EXOC2: variants seen among roughly 807,000 people sequenced by gnomAD.
The protein encoded by EXOC2 is exocyst complex component 2.
A neutral mutation model predicts 131.8 loss-of-function variants in EXOC2; 70 were observed. The observed-to-expected ratio is 0.53, with a 90% confidence interval of 0.44 to 0.65. EXOC2 has a LOEUF of 0.65. EXOC2 is among the 30% of genes least tolerant of loss of function. EXOC2 has a pLI of 0.00. For missense variants in EXOC2, 923 were observed against 1,108.6 expected (o/e 0.83, Z 2.38); for synonymous variants, 411 against 398.4 (o/e 1.03, Z -0.38).
At chr6:536,532 T>C (rs1766455671) in intron 22 of EXOC2, among the ~76,000 whole-genome samples, 2 of 152,120 alleles carry the variant, frequency 1.3e-5, no homozygotes. Flanking sequence ...AGGCCTTTTC[T>C]TGGTAAAAAT....
intron 11 of EXOC2, among the ~76,000 whole-genome samples, chr6:581,097 C>T (rs568256413): frequency 1.3e-5 from 2 of 151,592 alleles, no homozygotes; most frequent in South Asian, 4.2e-4. Context: ...AGTTCGAGAC[C>T]GGCCTGACCA....
At chr6:545,150 T>A (rs2127559354) in intron 22 of EXOC2, among the ~76,000 whole-genome samples, 1 of 44,796 alleles carries the variant, frequency 2.2e-5, no homozygotes, top group Non-Finnish European at 3.6e-5. Context: ...CGAGACTCCG[T>A]CTCAAAAAAA....
chr6:631,230 CTT>C (rs1328983136), intron 3 of EXOC2, among the ~76,000 whole-genome samples: 1 of 152,194 alleles, frequency 6.6e-6, no homozygotes, highest in East Asian at 1.9e-4. Flanking sequence ...TCCAGGCACT[CTT>C]GAGTTCAGTT....
chr6:553,947 T>C, intron 20 of EXOC2, 27 bp from the exon 21 acceptor site: 1 of 1,590,356 alleles, frequency 6.3e-7, no homozygotes, highest in Non-Finnish European at 8.6e-7. Flanking sequence ...GTAGGAACAG[T>C]TACAAATAAA....
intron 1 of EXOC2, among the ~76,000 whole-genome samples, chr6:661,708 C>T (rs1228101360): frequency 6.6e-6 from 1 of 152,038 alleles, no homozygotes; most frequent in Non-Finnish European, 1.5e-5. Flanking sequence ...TCACACAGGA[C>T]CTATAACAAA....
At chr6:643,010 C>T (rs978640081) in intron 1 of EXOC2, among the ~76,000 whole-genome samples, 2 of 151,260 alleles carry the variant, frequency 1.3e-5, no homozygotes, top group Admixed American at 6.6e-5. Flanking sequence ...GAAGTGATAC[C>T]ACAAAGCAAT....
In EXOC2 at chr6:641,073, C is replaced by T. The variant is rs552511527; in HGVS notation, c.-43-3212G>A. On this transcript the variant is annotated intron_variant, in intron 1 of 27. Coordinates refer to ENST00000230449, the MANE Select transcript of EXOC2 (RefSeq NM_018303.6). ...TCATAATAATGTAGTAACTGACCAC[C>T]GGTTTAAACAAAATTGAAATAAGGC... Among the ~76,000 whole-genome samples the T allele has an allele frequency of 1.6e-4, 24 of 152,088 alleles. No individual in the cohort carries two copies. The East Asian group carries it at 2.5e-3, about 16-fold the overall frequency.
intron 22 of EXOC2, among the ~76,000 whole-genome samples, chr6:540,069 G>A (rs897823694): frequency 2.0e-5 from 3 of 152,202 alleles, no homozygotes; most frequent in African/African-American, 7.2e-5. Context: ...GTGTCTCCAG[G>A]ACTTGTTAGC....
chr6:661,711 A>G (rs1374424286), intron 1 of EXOC2, among the ~76,000 whole-genome samples: 2 of 152,226 alleles, frequency 1.3e-5, no homozygotes, highest in Admixed American at 6.5e-5. Flanking sequence ...CACAGGACCT[A>G]TAACAAAAAT....
At chr6:689,986 A>C (rs1245528912) in intron 1 of EXOC2, among the ~76,000 whole-genome samples, 1 of 152,246 alleles carries the variant, frequency 6.6e-6, no homozygotes, top group African/African-American at 2.4e-5. Context: ...ACTATGAAGC[A>C]GACCAGATTA....
chr6:637,854 G>T lies in EXOC2; in HGVS notation c.-36C>A. 8.9e-6 allele frequency: 14 copies of T among 1,579,328 alleles called. No individual in the cohort carries two copies. The highest frequency in any genetic ancestry group is 1.2e-5 in the Non-Finnish European group (14 of 1,152,070). The stretch of plus-strand genomic sequence containing the variant: ...GGAGCAAACTGGTGATCCTGTTAGA[G>T]AAGTAATCTGTTAAAAGAGAAAGAA... On this transcript the variant is annotated 5_prime_UTR_variant, in exon 2 of 28. Coordinates refer to ENST00000230449, the MANE Select transcript of EXOC2 (RefSeq NM_018303.6).
chr6:593,117 C>T (rs141332438), intron 10 of EXOC2, among the ~76,000 whole-genome samples: 37 of 152,160 alleles, frequency 2.4e-4, no homozygotes, highest in African/African-American at 8.7e-4. Flanking sequence ...CTATTAAAAA[C>T]AGCTCTTTGT....
At chr6:586,288 T>A (rs367953888) in intron 11 of EXOC2, among the ~76,000 whole-genome samples, 2 of 152,246 alleles carry the variant, frequency 1.3e-5, no homozygotes, top group East Asian at 1.9e-4. Context: ...AAGCTTTACA[T>A]CCAATGTATG....
rs1450236029 is a variant in EXOC2 at position 485,567 on chromosome 6, A to T, written c.*1104T>A. 2 of 152,180 alleles carry T rather than the reference A, an allele frequency of 1.3e-5. No homozygotes were observed. Among genetic ancestry groups the T allele is most frequent in the Non-Finnish European group, 2.9e-5 (2 of 68,018 alleles). 9.4% of individuals were successfully genotyped at this position (152,180 alleles called of 1,614,324 possible). On this transcript the variant is annotated 3_prime_UTR_variant, in exon 28 of 28. Coordinates refer to ENST00000230449, the MANE Select transcript of EXOC2 (RefSeq NM_018303.6). ...TCTGAAAATTTTCAGATGCGACGGTATGAGGGAGTTGGGTGGGCCGCTGAC... is the reference window on the plus strand; with the variant it reads ...TCTGAAAATTTTCAGATGCGACGGTTTGAGGGAGTTGGGTGGGCCGCTGAC...
chr6:577,718 T>C (rs1758660530), intron 11 of EXOC2, among the ~76,000 whole-genome samples: 1 of 152,180 alleles, frequency 6.6e-6, no homozygotes, highest in Non-Finnish European at 1.5e-5. Context: ...TACAGAGTAT[T>C]TACAGTACTG....
intron 1 of EXOC2, among the ~76,000 whole-genome samples, chr6:642,994 G>C (rs1737540): frequency 0.71 from 107,629 of 151,816 alleles, 38,783 homozygotes; most frequent in Middle Eastern, 0.88. Flanking sequence ...TCTTCAATCT[G>C]AAGGGGAAGT....
chr6:486,847 C>T lies in EXOC2; in HGVS notation c.2682-83G>A, dbSNP rs542936828. 6.8e-4 allele frequency: 713 copies of T among 1,054,138 alleles called. 5 individuals carry two copies. In the Middle Eastern group the frequency reaches 7.0e-3, roughly 10 times the overall value. The allele number at this position is 1,054,138 out of a possible 1,614,324, so 65.3% of individuals were successfully genotyped here. Reference sequence around the variant, plus strand: ...AGAAAACACCAGGGGAGCCAGTGCCCGGCTCTGCCTGGGCTTGCTGTGTGG... The same window carrying T: ...AGAAAACACCAGGGGAGCCAGTGCCTGGCTCTGCCTGGGCTTGCTGTGTGG... On this transcript the variant is annotated intron_variant, in intron 27 of 27. Coordinates refer to ENST00000230449, the MANE Select transcript of EXOC2 (RefSeq NM_018303.6).
intron 1 of EXOC2, among the ~76,000 whole-genome samples, chr6:665,457 G>A (rs1345706581): frequency 6.6e-6 from 1 of 151,994 alleles, no homozygotes; most frequent in East Asian, 1.9e-4. Context: ...GAAAATAACT[G>A]AATATTCAAA....
chr6:535,727 A>T (rs1766403529), intron 22 of EXOC2, among the ~76,000 whole-genome samples: 2 of 152,220 alleles, frequency 1.3e-5, no homozygotes, highest in Admixed American at 1.3e-4. Context: ...CAAGCATGTA[A>T]GGAAGAAATT....
Sources: gnomAD v4.1 joint callset for allele counts (sites outside exome capture counted in the v4.1 genomes callset) on GRCh38, gnomAD v4.1.1 for gene constraint, MANE v1.5 for transcripts, NCBI Gene and HGNC (gene_info 2026-07-23, HGNC 2026-07-21) for gene names.